Variants in RIN2 observed in about 807,000 individuals in gnomAD.
RIN2 encodes RAB5 interacting protein 2.
RIN2 carries 36 observed loss-of-function variants against 78.0 expected under a neutral mutation model. That is an observed-to-expected ratio of 0.46 (90% CI 0.35 to 0.61). The LOEUF is 0.61. Ranked by LOEUF, RIN2 falls within the 20% of genes least tolerant of loss-of-function variation. The probability of loss-of-function intolerance (pLI) is 0.00; values close to 1 mark genes in which losing one functional copy is unlikely to be tolerated. For missense variants in RIN2, 1,087 were observed against 1,159.7 expected (o/e 0.94, Z 0.91); for synonymous variants, 466 against 466.8 (o/e 1.00, Z 0.02).
intron 2 of RIN2, among the ~76,000 whole-genome samples, chr20:19,872,849 T>A (rs543967246): frequency 6.6e-6 from 1 of 152,324 alleles, no homozygotes; most frequent in Non-Finnish European, 1.5e-5. Flanking sequence ...TTGATTATGA[T>A]GCTCACTATT....
At chr20:19,831,215 A>G (rs1210607251) in intron 2 of RIN2, among the ~76,000 whole-genome samples, 1 of 152,250 alleles carries the variant, frequency 6.6e-6, no homozygotes, top group Non-Finnish European at 1.5e-5. Flanking sequence ...GATGTCTGGT[A>G]CTTGGTGCTT....
At chr20:19,807,349 C>T (rs573241932) in intron 2 of RIN2, among the ~76,000 whole-genome samples, 1 of 152,150 alleles carries the variant, frequency 6.6e-6, no homozygotes. Flanking sequence ...ATTGGGCAAA[C>T]ATGATGTGAA....
At chr20:19,844,601 C>T (rs200810896) in intron 2 of RIN2, among the ~76,000 whole-genome samples, 1,753 of 122,982 alleles carry the variant, frequency 0.014, 61 homozygotes, top group African/African-American at 0.045. Flanking sequence ...CTGCTTCTTC[C>T]TCTTCTTCTT....
chr20:19,936,377 C>G (rs2146127077), intron 4 of RIN2, among the ~76,000 whole-genome samples: 2 of 151,910 alleles, frequency 1.3e-5, no homozygotes, highest in African/African-American at 4.8e-5. Context: ...GCCTCACCTC[C>G]AGAGTAGTTT....
chr20:19,861,364 C>A (rs1168687570), intron 2 of RIN2, among the ~76,000 whole-genome samples: 1 of 152,208 alleles, frequency 6.6e-6, no homozygotes, highest in East Asian at 1.9e-4. Context: ...TTCCCCTTGA[C>A]AAAGATTCTT....
chr20:19,896,352 C>T (rs1303313975), intron 3 of RIN2, among the ~76,000 whole-genome samples: 1 of 152,152 alleles, frequency 6.6e-6, no homozygotes, highest in Non-Finnish European at 1.5e-5. Context: ...CCACACCCAG[C>T]TAATTTTTTG....
intron 1 of RIN2, among the ~76,000 whole-genome samples, chr20:19,793,365 C>T (rs540809730): frequency 6.6e-6 from 1 of 152,246 alleles, no homozygotes; most frequent in South Asian, 2.1e-4. Flanking sequence ...CACACAGGGC[C>T]CGTGGCTGCT....
In RIN2 at chr20:19,760,902, A is replaced by T. The variant is rs898725545; in HGVS notation, c.-163+2575A>T. On this transcript the variant is annotated intron_variant, in intron 1 of 12. Transcript: ENST00000255006. ...TCCTTGTGTGTGTGTATGTGTATGT[A>T]TCTCTTAAAGCAATACAGTGGACCT... is the stretch of plus-strand genomic sequence containing the variant. Among the ~76,000 whole-genome samples the T allele has an allele frequency of 2.0e-5, 3 of 152,132 alleles. No homozygotes were observed. The South Asian group carries it at 6.2e-4, about 32-fold the overall frequency.
intron 12 of RIN2, 61 bp downstream of exon 12, chr20:19,996,903 C>T: frequency 6.8e-7 from 1 of 1,469,844 alleles, no homozygotes; most frequent in Non-Finnish European, 9.2e-7. Context: ...CTGGCTCACC[C>T]AGCACATCCC....
chr20:19,833,716 C>G (rs78251614), intron 2 of RIN2, among the ~76,000 whole-genome samples: 1 of 152,176 alleles, frequency 6.6e-6, no homozygotes, highest in African/African-American at 2.4e-5. Context: ...GGTGCCCCAC[C>G]GTGTTAGGAG....
intron 2 of RIN2, among the ~76,000 whole-genome samples, chr20:19,822,973 T>C (rs1490048572): frequency 6.8e-6 from 1 of 147,856 alleles, no homozygotes; most frequent in Non-Finnish European, 1.5e-5. Flanking sequence ...TTTCTAATAA[T>C]AAATAATCAC....
At chr20:19,762,855 C>T (rs576960072) in intron 1 of RIN2, among the ~76,000 whole-genome samples, 1 of 152,174 alleles carries the variant, frequency 6.6e-6, no homozygotes, top group African/African-American at 2.4e-5. Context: ...CCTCCACCTC[C>T]CGGAGTCAAG....
At chr20:19,933,228 A>G (rs75262281) in intron 3 of RIN2, among the ~76,000 whole-genome samples, 60 of 152,236 alleles carry the variant, frequency 3.9e-4, no homozygotes, top group Middle Eastern at 3.4e-3. Flanking sequence ...AGGCCTTCCA[A>G]TGGTTCTTAT....
intron 4 of RIN2, among the ~76,000 whole-genome samples, chr20:19,945,390 C>T (rs1312907588): frequency 2.0e-5 from 3 of 152,158 alleles, no homozygotes; most frequent in African/African-American, 4.8e-5. Context: ...TGTGAAAGCC[C>T]CTGAAGCTGT....
intron 3 of RIN2, among the ~76,000 whole-genome samples, chr20:19,896,168 C>A (rs1235655116): frequency 6.6e-6 from 1 of 151,962 alleles, no homozygotes; most frequent in Non-Finnish European, 1.5e-5. Context: ...TCAGTAATTT[C>A]TTTTTTTATT....
chr20:19,853,351 A>T (rs925006482), intron 2 of RIN2, among the ~76,000 whole-genome samples: 39 of 152,226 alleles, frequency 2.6e-4, no homozygotes, highest in African/African-American at 7.9e-4. Flanking sequence ...ATACGTGTGC[A>T]TGTGTCTTTA....
At chr20:19,881,248 G>A (rs1254233875) in intron 2 of RIN2, among the ~76,000 whole-genome samples, 2 of 152,180 alleles carry the variant, frequency 1.3e-5, no homozygotes, top group Non-Finnish European at 2.9e-5. Context: ...CTGGTAGCTT[G>A]AAACCAGCCA....
At chr20:19,791,485 C>T (rs2034888290) in intron 1 of RIN2, among the ~76,000 whole-genome samples, 1 of 152,142 alleles carries the variant, frequency 6.6e-6, no homozygotes, top group African/African-American at 2.4e-5. Flanking sequence ...AGGAGATGTG[C>T]CCCCTGCCTC....
chr20:19,962,440 G>A (rs936872490), intron 6 of RIN2, among the ~76,000 whole-genome samples: 2 of 152,218 alleles, frequency 1.3e-5, no homozygotes, highest in East Asian at 3.8e-4. Context: ...TCTTCCAGAA[G>A]TGTGGGCAAT....
Sources: allele counts gnomAD v4.1 joint callset (sites outside exome capture counted in the v4.1 genomes callset), GRCh38; gene constraint gnomAD v4.1.1; transcripts MANE v1.5; gene names NCBI Gene and HGNC (gene_info 2026-07-23, HGNC 2026-07-21).